The following CCDC159 variants were observed in gnomAD, a reference collection of about 807,000 sequenced individuals.
CCDC159 encodes the protein coiled-coil domain-containing protein 159.
A neutral mutation model predicts 50.9 loss-of-function variants in CCDC159; 40 were observed. That is an observed-to-expected ratio of 0.79 (90% confidence interval 0.61 to 1.02). The LOEUF is 1.02. CCDC159 is among the 50% of genes least tolerant of loss of function. The pLI is 0.00. For missense variants in CCDC159, 356 were observed against 371.5 expected, an observed-to-expected ratio of 0.96 and a Z score of 0.34; for synonymous variants, 146 against 138.9, an observed-to-expected ratio of 1.05 and a Z score of -0.36.
intron 4 of CCDC159, 85 bp from the exon 5 acceptor site, chr19:11,350,723 G>C: frequency 7.5e-7 from 1 of 1,339,794 alleles, no homozygotes; most frequent in Non-Finnish European, 1.0e-6. Flanking sequence ...GGGAAATTGG[G>C]AGAGTCTGGG....
At position 11,351,014 on chromosome 19, in the gene CCDC159, G is replaced by GC; in HGVS notation, c.422+12dup. Reference sequence around the variant, plus strand: ...GGAGATCCGGGACAGGTCGGGGATGGCGGGAGGGCAGCTTGGAGTCCACAG... The same window carrying GC: ...GGAGATCCGGGACAGGTCGGGGATGGCCGGGAGGGCAGCTTGGAGTCCACAG... On this transcript the variant is annotated intron_variant, in intron 5 of 10. Coordinates refer to ENST00000458408, the MANE Select transcript of CCDC159 (RefSeq NM_001080503.3). The GC allele has an allele frequency of 6.5e-7, 1 of 1,537,418 alleles. No homozygotes were observed. Among genetic ancestry groups the GC allele is most frequent in the Non-Finnish European group, 8.8e-7 (1 of 1,138,662 alleles).
At position 11,350,931 on chromosome 19, in the gene CCDC159, G is replaced by A. The variant is rs761124235; in HGVS notation, c.350G>A (p.Arg117His). The A allele has an allele frequency of 7.1e-6, 11 of 1,554,088 alleles. No homozygotes were observed. The Admixed American group carries it at 7.8e-5, about 11-fold the overall frequency. Residue 117 changes from arginine to histidine, a missense_variant, in exon 5 of 11, where the codon CGT becomes CAT. Physicochemically the swap from Arg to His is conservative, Grantham distance 29 (BLOSUM62 0). Coordinates refer to ENST00000458408, the MANE Select transcript of CCDC159 (RefSeq NM_001080503.3). The part of the protein sequence containing the change: ...QGLQGLEKTL[R>H]DSEEMQRART... ...CTTCAGGGGCTGGAGAAGACCCTGC[G>A]TGACAGTGAGGAGATGCAGCGGGCC... is the stretch of plus-strand genomic sequence containing the variant.
At chr19:11,351,821 C>G in intron 5 of CCDC159, 85 bp from the exon 6 acceptor site, 1 of 1,203,192 alleles carries the variant, frequency 8.3e-7, no homozygotes, top group Non-Finnish European at 1.2e-6. Flanking sequence ...ACAGAGCTTG[C>G]GGGGATGGGT....
Position 11,349,008 on chromosome 19 carries a change from C to G in CCDC159, c.22-646C>G, listed in dbSNP as rs1426775198. ...GCTCTGGAGCGTACAGCTCACTGGT[C>G]CAGGACTCCAGAGCCAGAGACCTTG... On this transcript the variant is annotated intron_variant, in intron 1 of 10. Coordinates refer to ENST00000458408, the MANE Select transcript of CCDC159 (RefSeq NM_001080503.3). The G allele has an allele frequency of 2.2e-6, 3 of 1,340,400 alleles. No individual in the cohort carries two copies. The South Asian group carries it at 3.5e-5, about 16-fold the overall frequency. 83.0% of individuals were successfully genotyped at this position (1,340,400 alleles called of 1,614,324 possible). A position where few individuals can be genotyped will look rare whatever the true frequency, so the allele number is the denominator to read the frequency against.
intron 7 of CCDC159, 105 bp downstream of exon 7, chr19:11,352,238 C>G (rs778751062): frequency 2.2e-5 from 23 of 1,065,354 alleles, no homozygotes; most frequent in Non-Finnish European, 2.9e-5. Context: ...AATCTCAGCT[C>G]TGCCACTCAC....
chr19:11,349,048 T>TG (rs1967426044), intron 1 of CCDC159: 1 of 1,342,396 alleles, frequency 7.4e-7, no homozygotes, highest in Non-Finnish European at 9.8e-7. Context: ...GCCCTGCTTC[T>TG]GGGGACACAG....
At position 11,350,858 on chromosome 19, in the gene CCDC159, G is replaced by A; in HGVS notation, c.277G>A (p.Gly93Ser). The change falls in exon 5 of 11, where the codon GGC becomes AGC. Residue 93 changes from glycine to serine, a missense_variant. Coordinates refer to ENST00000458408, the MANE Select transcript of CCDC159 (RefSeq NM_001080503.3). Reference sequence around the variant, plus strand: ...GGGAGAGAAGGAGGAGCACAAGTGGGGCATGGAGCAGGGCCGGCAGGAGCT... The same window carrying A: ...GGGAGAGAAGGAGGAGCACAAGTGGAGCATGGAGCAGGGCCGGCAGGAGCT... ...RQGEKEEHKW[G>S]MEQGRQELYG... The A allele has an allele frequency of 3.2e-6, 5 of 1,551,782 alleles. No individual in the cohort carries two copies. The highest frequency in any genetic ancestry group is 4.4e-6 in the Non-Finnish European group (5 of 1,147,812).
intron 5 of CCDC159, chr19:11,351,575 A>C (rs1351635048): frequency 8.7e-6 from 2 of 228,846 alleles, no homozygotes; most frequent in Non-Finnish European, 1.7e-5. Context: ...TGGGATGGAA[A>C]AGGAGGCCAG....
rs770212874 is a variant in CCDC159, at chr19:11,354,868, C to T, written c.890-5C>T. On this transcript the variant is annotated splice_polypyrimidine_tract_variant and splice_region_variant and intron_variant, in intron 10 of 10. Coordinates refer to ENST00000458408, the MANE Select transcript of CCDC159 (RefSeq NM_001080503.3). ...CAGGCCCTGACCCACCCTCTCTCTC[C>T]ACAGCTTGAGCAGCCGGGACTGCTC... 5.6e-6 allele frequency: 9 copies of T among 1,613,520 alleles called. No individual in the cohort carries two copies. The highest frequency in any genetic ancestry group is 2.2e-5 in the East Asian group (1 of 44,874).
intron 4 of CCDC159, 66 bp downstream of exon 4, chr19:11,350,265 G>A (rs1384210191): frequency 7.0e-7 from 1 of 1,424,190 alleles, no homozygotes. Flanking sequence ...TGTAATCCCA[G>A]CATTTGGGGA....
Position 11,349,966 on chromosome 19 carries a change from C to T in CCDC159, c.84C>T (p.Ser28=). 1 of 1,613,890 alleles carries T rather than the reference C, an allele frequency of 6.2e-7. No homozygotes were observed. The highest frequency in any genetic ancestry group is 1.1e-5 in the South Asian group (1 of 91,072). The change falls in exon 3 of 11, where the codon TCC becomes TCT. Residue 28 remains serine, a synonymous_variant. Coordinates refer to ENST00000458408, the MANE Select transcript of CCDC159 (RefSeq NM_001080503.3). ...AGACCATTGTGATGATTCCCGACTC[C>T]CAGAAGCTCCTGCGATGTGAACTTG... ...KAKTIVMIPD[S]QKLLRCELES...
At chr19:11,348,806 A>G (rs759168898) in intron 1 of CCDC159, 4 of 540,098 alleles carry the variant, frequency 7.4e-6, no homozygotes, top group African/African-American at 3.8e-5. Flanking sequence ...TCCTGCCTCT[A>G]CTCACCTCCC....
At chr19:11,351,128 A>G in intron 5 of CCDC159, 125 bp downstream of exon 5, 1 of 989,466 alleles carries the variant, frequency 1.0e-6, no homozygotes, top group South Asian at 1.7e-5. Flanking sequence ...GATGGTGGAA[A>G]GCCTGAGGGA....
At chr19:11,351,284 A>C (rs905907917) in intron 5 of CCDC159, 14 of 344,072 alleles carry the variant, frequency 4.1e-5, no homozygotes, top group Non-Finnish European at 7.0e-5. Flanking sequence ...TAAAAATACA[A>C]GAATTAGTCA....
intron 1 of CCDC159, chr19:11,349,041 C>A: frequency 7.5e-7 from 1 of 1,341,814 alleles, no homozygotes; most frequent in Non-Finnish European, 9.8e-7. Context: ...TTGGGATGCC[C>A]TGCTTCTGGG....
chr19:11,350,484 C>T (rs1834059190), intron 4 of CCDC159, among the ~76,000 whole-genome samples: 1 of 151,122 alleles, frequency 6.6e-6, no homozygotes, highest in Admixed American at 6.6e-5. Flanking sequence ...GAAACCCCAT[C>T]TCTACTAACA....
chr19:11,350,514 G>T (rs1321654361), intron 4 of CCDC159, among the ~76,000 whole-genome samples: 1 of 152,100 alleles, frequency 6.6e-6, no homozygotes, highest in African/African-American at 2.4e-5. Context: ...TTAGCCAGGC[G>T]TGGTGGTATG....
At chr19:11,352,972 CA>C (rs922891723) in intron 7 of CCDC159, among the ~76,000 whole-genome samples, 1 of 150,412 alleles carries the variant, frequency 6.6e-6, no homozygotes, top group Non-Finnish European at 1.5e-5. Flanking sequence ...AAAAACAAAA[CA>C]AAAAAAAACA....
chr19:11,354,899 G>T lies in CCDC159; in HGVS notation c.*22G>T, dbSNP rs1281236645. On this transcript the variant is annotated 3_prime_UTR_variant, in exon 11 of 11. Coordinates refer to ENST00000458408, the MANE Select transcript of CCDC159 (RefSeq NM_001080503.3). ...TTGAGCAGCCGGGACTGCTCTCCCT[G>T]AAGACCCCTCCAGAGAGAAAATAAA... is the stretch of plus-strand genomic sequence containing the variant. 6.2e-7 allele frequency: 1 copy of T among 1,613,168 alleles called. No homozygotes were observed. Among genetic ancestry groups the T allele is most frequent in the Non-Finnish European group, 8.5e-7 (1 of 1,179,606 alleles).
Sources: gnomAD v4.1 joint callset for allele counts (sites outside exome capture counted in the v4.1 genomes callset) on GRCh38, gnomAD v4.1.1 for gene constraint, MANE v1.5 for transcripts, NCBI Gene and HGNC (gene_info 2026-07-23, HGNC 2026-07-21) for gene names.